The following SEZ6L variants were observed in gnomAD, a reference collection of about 807,000 sequenced individuals.
SEZ6L encodes seizure related 6 homolog like, also known as seizure 6-like protein.
In SEZ6L, 37 loss-of-function variants were observed where a neutral mutation model predicts 106.2. That is an observed-to-expected ratio of 0.35 (90% CI 0.27 to 0.46). The LOEUF (loss-of-function observed/expected upper bound fraction) is 0.46, where lower values mean the gene tolerates loss of function less well. SEZ6L is among the 20% of genes least tolerant of loss of function. The probability of loss-of-function intolerance (pLI) is 1.00; values close to 1 mark genes in which losing one functional copy is unlikely to be tolerated. For synonymous variants in SEZ6L, 541 were observed against 570.4 expected (o/e 0.95, Z 0.73); for missense variants, 1,172 against 1,332.8 (o/e 0.88, Z 1.88).
At chr22:26,353,276 G>T (rs1221159195) in intron 12 of SEZ6L, among the ~76,000 whole-genome samples, 1 of 152,160 alleles carries the variant, frequency 6.6e-6, no homozygotes, top group Non-Finnish European at 1.5e-5. Context: ...GAATGTAAAA[G>T]ACACATTGCT....
chr22:26,338,882 T>TTTTTTG lies in SEZ6L; in HGVS notation c.2016-1552_2016-1551insTTTGTT, dbSNP rs2082736323. Among the ~76,000 whole-genome samples, 3 of 138,866 alleles carry TTTTTTG rather than the reference T, an allele frequency of 2.2e-5. No homozygotes were observed. In the Admixed American group the frequency reaches 2.2e-4, roughly 10 times the overall value. The allele number at this position is 138,866 out of a possible 152,430, so 91.1% of individuals were successfully genotyped here. A position where few individuals can be genotyped will look rare whatever the true frequency, so the allele number is the denominator to read the frequency against. Reference sequence around the variant, plus strand: ...TTTTTTTTTTCTTTTTTTTTTTTTTTTTGTAGAGACAGGGTCTCTCTTTGT... The same window carrying TTTTTTG: ...TTTTTTTTTTCTTTTTTTTTTTTTTTTTTTTGTTGTAGAGACAGGGTCTCTCTTTGT... On this transcript the variant is annotated intron_variant, in intron 9 of 16. Transcript: ENST00000248933.
intron 1 of SEZ6L, among the ~76,000 whole-genome samples, chr22:26,217,430 C>T (rs2078330253): frequency 6.6e-6 from 1 of 152,202 alleles, no homozygotes; most frequent in African/African-American, 2.4e-5. Flanking sequence ...CCTGCTGTTC[C>T]CTCTTCCTAA....
intron 1 of SEZ6L, among the ~76,000 whole-genome samples, chr22:26,274,320 GACCTTGCATATAGA>G (rs148056726): frequency 0.29 from 42,995 of 150,106 alleles, 6,950 homozygotes; most frequent in Non-Finnish European, 0.36. Flanking sequence ...TTGGATATAG[GACCTTGCATATAGA>G]ACCTTGGATA....
chr22:26,347,621 C>CG, intron 10 of SEZ6L, 98 bp from the exon 11 acceptor site: 1 of 1,013,350 alleles, frequency 9.9e-7, no homozygotes, highest in Admixed American at 3.5e-5. Flanking sequence ...TTTCTAGAGG[C>CG]TTTTTTTTCT....
At position 26,169,659 on chromosome 22, in the gene SEZ6L, C is replaced by G; in HGVS notation, c.-11C>G. 8.2e-7 allele frequency: 1 copy of G among 1,217,874 alleles called. No homozygotes were observed. The highest frequency in any genetic ancestry group is 1.1e-6 in the Non-Finnish European group (1 of 936,568). 75.4% of individuals were successfully genotyped at this position (1,217,874 alleles called of 1,614,324 possible). On this transcript the variant is annotated 5_prime_UTR_variant, in exon 1 of 17. Transcript: ENST00000248933. ...CCCACAGCCAGCGGCTCCGCGCCCC[C>G]TGCAGCCACGATGCCCGCGGCCCGG...
chr22:26,234,816 A>G (rs2078909378), intron 1 of SEZ6L, among the ~76,000 whole-genome samples: 1 of 152,236 alleles, frequency 6.6e-6, no homozygotes, highest in African/African-American at 2.4e-5. Context: ...AAATAATTAC[A>G]GGAAAGTGTG....
intron 16 of SEZ6L, among the ~76,000 whole-genome samples, chr22:26,379,409 C>T (rs1275176620): frequency 1.3e-5 from 2 of 152,232 alleles, no homozygotes; most frequent in East Asian, 1.9e-4. Context: ...GCATGAGCCC[C>T]AGAAGGTGGG....
rs746856153 is a variant in SEZ6L at position 26,297,050 on chromosome 22, G to C, written c.1132G>C (p.Gly378Arg). 2.5e-6 allele frequency: 4 copies of C among 1,613,492 alleles called. No individual in the cohort carries two copies. Among genetic ancestry groups the C allele is most frequent in the Admixed American group, 1.7e-5 (1 of 59,952 alleles). ...CTACTTCCGGACCTTCCAGGACGAC[G>C]GCCTTGGGACCTTCCAGCTTCACTA... is the stretch of plus-strand genomic sequence containing the variant. ...SVYFRTFQDD[G>R]LGTFQLHYQA... Residue 378 changes from glycine (G) to arginine (R), a missense_variant, in exon 4 of 17, where the codon GGC (glycine) becomes CGC (arginine). Gly to Arg is a moderately radical substitution (Grantham distance 125). This residue lies in a region of SEZ6L where 534 missense variants were observed against 691.0 expected (regional missense o/e 0.77). Coordinates refer to ENST00000248933, the MANE Select transcript of SEZ6L (RefSeq NM_021115.5).
intron 1 of SEZ6L, among the ~76,000 whole-genome samples, chr22:26,269,767 C>G (rs2080304176): frequency 6.6e-6 from 1 of 152,206 alleles, no homozygotes; most frequent in South Asian, 2.1e-4. Flanking sequence ...CTGCCAGGGC[C>G]TGGCATTAAT....
chr22:26,285,288 A>G (rs1271921428), intron 1 of SEZ6L, among the ~76,000 whole-genome samples: 1 of 152,248 alleles, frequency 6.6e-6, no homozygotes, highest in Non-Finnish European at 1.5e-5. Context: ...TGAAGTGATG[A>G]TCAAATGTGC....
At chr22:26,323,695 G>C (rs980057751) in intron 9 of SEZ6L, among the ~76,000 whole-genome samples, 2 of 151,980 alleles carry the variant, frequency 1.3e-5, no homozygotes, top group Non-Finnish European at 2.9e-5. Context: ...ACACAAGATA[G>C]GCAGATAACC....
At chr22:26,317,477 A>C (rs997289347) in intron 9 of SEZ6L, among the ~76,000 whole-genome samples, 4 of 151,680 alleles carry the variant, frequency 2.6e-5, no homozygotes, top group African/African-American at 9.7e-5. Flanking sequence ...GGTTTTGCTT[A>C]AATAAGACGG....
chr22:26,324,701 A>G (rs2145951846), intron 9 of SEZ6L, among the ~76,000 whole-genome samples: 1 of 152,358 alleles, frequency 6.6e-6, no homozygotes, highest in Non-Finnish European at 1.5e-5. Flanking sequence ...AAGAGGAGAC[A>G]GGATTTCCCT....
intron 1 of SEZ6L, among the ~76,000 whole-genome samples, chr22:26,252,444 T>C (rs1388664923): frequency 1.3e-5 from 2 of 152,234 alleles, no homozygotes; most frequent in Non-Finnish European, 1.5e-5. Context: ...TTTAGATTCA[T>C]GGGGTACATG....
At chr22:26,205,387 C>A (rs993237208) in intron 1 of SEZ6L, among the ~76,000 whole-genome samples, 3 of 152,214 alleles carry the variant, frequency 2.0e-5, no homozygotes, top group African/African-American at 7.2e-5. Flanking sequence ...GTGCTCCCCA[C>A]TCCTCTTCTC....
At chr22:26,231,762 C>T (rs1481994292) in intron 1 of SEZ6L, among the ~76,000 whole-genome samples, 3 of 152,226 alleles carry the variant, frequency 2.0e-5, no homozygotes, top group Non-Finnish European at 4.4e-5. Flanking sequence ...TCTGCGTTTC[C>T]TTGCCTGCCC....
At chr22:26,308,708 A>G (rs184952137) in intron 6 of SEZ6L, among the ~76,000 whole-genome samples, 113 of 152,336 alleles carry the variant, frequency 7.4e-4, no homozygotes, top group Middle Eastern at 3.4e-3. Flanking sequence ...CATTTTGCAA[A>G]TCCATTTGAC....
intron 12 of SEZ6L, among the ~76,000 whole-genome samples, chr22:26,360,912 CA>C (rs200681836): frequency 1.3e-5 from 2 of 151,202 alleles, no homozygotes; most frequent in African/African-American, 4.9e-5. Flanking sequence ...AAAACAAAAA[CA>C]AAAAAAACAC....
intron 13 of SEZ6L, among the ~76,000 whole-genome samples, chr22:26,371,669 G>GAAA (rs11367707): frequency 4.1e-5 from 6 of 147,776 alleles, no homozygotes; most frequent in African/African-American, 1.5e-4. Flanking sequence ...ACAAAAAAAG[G>GAAA]AAAAAAAAAA....
Sources: gnomAD v4.1 joint callset for allele counts (sites outside exome capture counted in the v4.1 genomes callset) on GRCh38, gnomAD v4.1.1 for gene constraint, gnomAD v4.1.1 regional missense constraint, MANE v1.5 for transcripts, NCBI Gene and HGNC (gene_info 2026-07-23, HGNC 2026-07-21) for gene names.